The following MYOD1 variants were observed in gnomAD, a reference collection of about 807,000 sequenced individuals.
MYOD1 encodes the protein myoblast determination protein 1.
MYOD1 carries 15 observed loss-of-function variants against 14.9 expected under a neutral mutation model. That is an observed-to-expected ratio of 1.01 (90% confidence interval 0.67 to 1.55). MYOD1 has a LOEUF of 1.55. MYOD1 is among the 40% of genes most tolerant of loss of function. The probability of loss-of-function intolerance (pLI) is 0.00; values close to 1 mark genes in which losing one functional copy is unlikely to be tolerated. For missense variants in MYOD1, 529 were observed against 482.6 expected (o/e 1.10, Z -0.90); for synonymous variants, 235 against 218.6 (o/e 1.07, Z -0.66).
rs1848616201 is a variant in MYOD1 at position 17,719,646 on chromosome 11, G to C, written c.-137G>C. Reference sequence around the variant, plus strand: ...CAGGCCGGACAGGAGAGGGAGGGGTGGGGGACAGTGGGTGGGCATTCAGAC... The same window carrying C: ...CAGGCCGGACAGGAGAGGGAGGGGTCGGGGACAGTGGGTGGGCATTCAGAC... On this transcript the variant is annotated 5_prime_UTR_variant, in exon 1 of 3. Coordinates refer to ENST00000250003, the MANE Select transcript of MYOD1 (RefSeq NM_002478.5). 3 of 1,073,754 alleles carry C rather than the reference G, an allele frequency of 2.8e-6. No individual in the cohort carries two copies. Among genetic ancestry groups the C allele is most frequent in the Non-Finnish European group, 3.9e-6 (3 of 763,394 alleles). The allele number at this position is 1,073,754 out of a possible 1,614,324, so 66.5% of individuals were successfully genotyped here. A position where few individuals can be genotyped will look rare whatever the true frequency, so the allele number is the denominator to read the frequency against.
Position 17,721,446 on chromosome 11 carries a change from C to T in MYOD1, c.901C>T (p.Pro301Ser). The change falls in exon 3 of 3, where the codon CCG (proline) becomes TCG (serine). Residue 301 changes from proline (P) to serine (S), a missense_variant. Transcript: ENST00000250003. The surrounding 1 kb of genome is among the most constrained non-coding windows in gnomAD (Gnocchi z 6.2). ...GESSGDPTQSPDAAPQCPAGA... is the reference protein window; with the variant it reads ...GESSGDPTQSSDAAPQCPAGA... ...GAGCAGCGGCGACCCCACCCAGTCA[C>T]CGGACGCCGCCCCGCAGTGCCCTGC... 1 of 1,596,706 alleles carries T rather than the reference C, an allele frequency of 6.3e-7. No homozygotes were observed. Among genetic ancestry groups the T allele is most frequent in the Non-Finnish European group, 8.5e-7 (1 of 1,176,868 alleles).
intron 1 of MYOD1, 112 bp from the exon 2 acceptor site, chr11:17,720,790 G>A (rs1848630250): frequency 1.7e-6 from 2 of 1,205,584 alleles, no homozygotes; most frequent in Non-Finnish European, 2.3e-6. Flanking sequence ...GACAGGTCTG[G>A]GCCCGGAACT....
Position 17,720,045 on chromosome 11 carries a change from A to G in MYOD1, c.263A>G (p.His88Arg), listed in dbSNP as rs544592180. The change falls in exon 1 of 3, where the codon CAC (histidine) becomes CGC (arginine). Residue 88 changes from histidine to arginine, a missense_variant. By Grantham distance (29) the His-to-Arg change is conservative. Coordinates refer to ENST00000250003, the MANE Select transcript of MYOD1 (RefSeq NM_002478.5). ...DEHVRAPSGH[H>R]QAGRCLLWAC... is the part of the protein sequence containing the mutation. ...CATGTGCGCGCGCCCAGCGGGCACC[A>G]CCAGGCGGGCCGCTGCCTACTGTGG... 9.6e-5 allele frequency: 151 copies of G among 1,576,182 alleles called. 2 individuals carry two copies. The East Asian group carries it at 2.9e-3, about 30-fold the overall frequency.
In MYOD1 at chr11:17,721,626, T is replaced by A; in HGVS notation, c.*118T>A. The A allele has an allele frequency of 7.9e-7, 1 of 1,263,188 alleles. No individual in the cohort carries two copies. The highest frequency in any genetic ancestry group is 1.0e-6 in the Non-Finnish European group (1 of 960,486). 78.2% of individuals were successfully genotyped at this position (1,263,188 alleles called of 1,614,324 possible). On this transcript the variant is annotated 3_prime_UTR_variant, in exon 3 of 3. Transcript: ENST00000250003. The surrounding 1 kb of genome is among the most constrained non-coding windows in gnomAD (Gnocchi z 6.2). Reference sequence around the variant, plus strand: ...GCTTTAAAAGCGACCTCTCTTGAGGTAGGAGAGGCGGGAGAACTGAAGTTT... The same window carrying A: ...GCTTTAAAAGCGACCTCTCTTGAGGAAGGAGAGGCGGGAGAACTGAAGTTT...
chr11:17,721,060 C>G lies in MYOD1; in HGVS notation c.709+80C>G, dbSNP rs1020997129. On this transcript the variant is annotated intron_variant, in intron 2 of 2. Transcript: ENST00000250003. The surrounding 1 kb of genome is among the most constrained non-coding windows in gnomAD (Gnocchi z 6.2). ...GGCCTCTATCTAGGACGCTCCCACC[C>G]CCACTCACACACGCCTATGTCCTGG... 1.4e-5 allele frequency: 20 copies of G among 1,430,314 alleles called. No homozygotes were observed. Among genetic ancestry groups the G allele is most frequent in the Non-Finnish European group, 1.8e-5 (19 of 1,075,792 alleles). 88.6% of individuals were successfully genotyped at this position (1,430,314 alleles called of 1,614,324 possible).
In MYOD1 at chr11:17,720,161, G is replaced by A; in HGVS notation, c.379G>A (p.Glu127Lys). 1 of 1,606,568 alleles carries A rather than the reference G, an allele frequency of 6.2e-7. No homozygotes were observed. The highest frequency in any genetic ancestry group is 1.1e-5 in the South Asian group (1 of 90,136). The change falls in exon 1 of 3, where the codon GAG becomes AAG. Residue 127 changes from glutamate to lysine, a missense_variant. By Grantham distance (56) the Glu-to-Lys change is moderately conservative. Coordinates refer to ENST00000250003, the MANE Select transcript of MYOD1 (RefSeq NM_002478.5). ...RERRRLSKVNEAFETLKRCTS... is the reference protein window; with the variant it reads ...RERRRLSKVNKAFETLKRCTS... ...GCGGCGCCGCCTGAGCAAAGTAAAT[G>A]AGGCCTTTGAGACACTCAAGCGCTG...
rs766719224 is a variant in MYOD1 at position 17,720,209 on chromosome 11, C to A, written c.427C>A (p.Arg143=). The A allele has an allele frequency of 6.2e-6, 10 of 1,609,108 alleles. No individual in the cohort carries two copies. In the African/African-American group the frequency reaches 1.1e-4, roughly 17 times the overall value. ...CTGCACGTCGAGCAATCCAAACCAG[C>A]GGTTGCCCAAGGTGGAGATCCTGCG... ...KRCTSSNPNQ[R]LPKVEILRNA... The change falls in exon 1 of 3, where the codon CGG becomes AGG. Residue 143 remains arginine (R), a synonymous_variant. Coordinates refer to ENST00000250003, the MANE Select transcript of MYOD1 (RefSeq NM_002478.5).
In MYOD1 at chr11:17,719,719, T is replaced by C; in HGVS notation, c.-64T>C. 1 of 1,538,392 alleles carries C rather than the reference T, an allele frequency of 6.5e-7. No homozygotes were observed. Among genetic ancestry groups the C allele is most frequent in the Non-Finnish European group, 8.7e-7 (1 of 1,146,318 alleles). On this transcript the variant is annotated 5_prime_UTR_variant, in exon 1 of 3. Transcript: ENST00000250003. ...GCCGGGGCTCCCGAGCGGCAGAAAG[T>C]TCCGGCCACTCTCTGCCGCTTGGGT...
intron 1 of MYOD1, 124 bp from the exon 2 acceptor site, chr11:17,720,778 A>G: frequency 6.6e-6 from 7 of 1,061,140 alleles, no homozygotes; most frequent in Non-Finnish European, 9.6e-6. Context: ...CCCCCCAACC[A>G]GGACAGGTCT....
Position 17,721,021 on chromosome 11 carries a change from C to A in MYOD1, c.709+41C>A. 3 of 1,535,070 alleles carry A rather than the reference C, an allele frequency of 2.0e-6. No homozygotes were observed. Among genetic ancestry groups the A allele is most frequent in the Non-Finnish European group, 2.6e-6 (3 of 1,137,218 alleles). Reference sequence around the variant, plus strand: ...CTCTCCCTGCTCGCTCCTCCTCCTTCATGGAGCTGTCCTGGCCTCTATCTA... The same window carrying A: ...CTCTCCCTGCTCGCTCCTCCTCCTTAATGGAGCTGTCCTGGCCTCTATCTA... On this transcript the variant is annotated intron_variant, in intron 2 of 2. Transcript: ENST00000250003. This position sits in a 1 kb window ranked among gnomAD's most constrained non-coding sequence, Gnocchi z 6.2.
In MYOD1 at chr11:17,719,572, G is replaced by C. The variant is rs1848614770; in HGVS notation, c.-211G>C. 1 of 610,558 alleles carries C rather than the reference G, an allele frequency of 1.6e-6. No individual in the cohort carries two copies. Among genetic ancestry groups the C allele is most frequent in the Non-Finnish European group, 2.8e-6 (1 of 360,676 alleles). 37.8% of individuals were successfully genotyped at this position (610,558 alleles called of 1,614,324 possible). Reference sequence around the variant, plus strand: ...GCCCAGGGCGCCTGGCGAGAAGCTAGGGGTGAGGAAGCCCTGGGGCGCTGC... The same window carrying C: ...GCCCAGGGCGCCTGGCGAGAAGCTACGGGTGAGGAAGCCCTGGGGCGCTGC... On this transcript the variant is annotated 5_prime_UTR_variant, in exon 1 of 3. Transcript: ENST00000250003.
At position 17,719,669 on chromosome 11, in the gene MYOD1, G is replaced by C. The variant is rs1848616366; in HGVS notation, c.-114G>C. The stretch of plus-strand genomic sequence containing the variant: ...GTGGGGGACAGTGGGTGGGCATTCA[G>C]ACTGCCAGCACTTTGCTATCTACAG... On this transcript the variant is annotated 5_prime_UTR_variant, in exon 1 of 3. Coordinates refer to ENST00000250003, the MANE Select transcript of MYOD1 (RefSeq NM_002478.5). The C allele has an allele frequency of 7.4e-7, 1 of 1,352,750 alleles. No homozygotes were observed. Among genetic ancestry groups the C allele is most frequent in the African/African-American group, 1.5e-5 (1 of 68,650 alleles). The allele number at this position is 1,352,750 out of a possible 1,614,324, so 83.8% of individuals were successfully genotyped here.
At chr11:17,720,648 A>G (rs1250050155) in intron 1 of MYOD1, among the ~76,000 whole-genome samples, 1 of 152,142 alleles carries the variant, frequency 6.6e-6, no homozygotes, top group Non-Finnish European at 1.5e-5. Context: ...CGCGAACGTG[A>G]AGATCTTTTT....
Position 17,719,793 on chromosome 11 carries a change from T to A in MYOD1, c.11T>A (p.Leu4Gln). The A allele has an allele frequency of 6.2e-7, 1 of 1,612,818 alleles. No individual in the cohort carries two copies. The highest frequency in any genetic ancestry group is 8.5e-7 in the Non-Finnish European group (1 of 1,179,688). MELLSPPLRDVDLT... is the reference protein window; with the variant it reads MELQSPPLRDVDLT... Reference sequence around the variant, plus strand: ...CGCCACCGCCAGGATATGGAGCTACTGTCGCCACCGCTCCGCGACGTAGAC... The same window carrying A: ...CGCCACCGCCAGGATATGGAGCTACAGTCGCCACCGCTCCGCGACGTAGAC... Residue 4 changes from leucine (L) to glutamine (Q), a missense_variant, in exon 1 of 3, where the codon CTG becomes CAG. Transcript: ENST00000250003.
At position 17,721,410 on chromosome 11, in the gene MYOD1, A is replaced by C. The variant is rs753201933; in HGVS notation, c.865A>C (p.Ser289Arg). ...GCGCAGGCAAGAGGCTGCCGCCCCC[A>C]GCGAGGGAGAGAGCAGCGGCGACCC... ...PPRRQEAAAPSEGESSGDPTQ... is the reference protein window; with the variant it reads ...PPRRQEAAAPREGESSGDPTQ... Residue 289 changes from serine (S) to arginine (R), a missense_variant, in exon 3 of 3, where the codon AGC (serine) becomes CGC (arginine). Physicochemically the swap from Ser to Arg is moderately radical, Grantham distance 110. Transcript: ENST00000250003. This position sits in a 1 kb window ranked among gnomAD's most constrained non-coding sequence, Gnocchi z 6.2. 2.5e-6 allele frequency: 4 copies of C among 1,597,970 alleles called. No homozygotes were observed. Among genetic ancestry groups the C allele is most frequent in the South Asian group, 1.1e-5 (1 of 90,684 alleles).
chr11:17,720,165 C>T lies in MYOD1; in HGVS notation c.383C>T (p.Ala128Val). Residue 128 changes from alanine to valine, a missense_variant, in exon 1 of 3, where the codon GCC (alanine) becomes GTC (valine). Physicochemically the swap from Ala to Val is moderately conservative, Grantham distance 64. Transcript: ENST00000250003. Reference protein sequence around the residue: ...ERRRLSKVNEAFETLKRCTSS... With the variant: ...ERRRLSKVNEVFETLKRCTSS... ...CGCCGCCTGAGCAAAGTAAATGAGG[C>T]CTTTGAGACACTCAAGCGCTGCACG... The T allele has an allele frequency of 1.2e-6, 2 of 1,607,696 alleles. No individual in the cohort carries two copies. Among genetic ancestry groups the T allele is most frequent in the Admixed American group, 1.7e-5 (1 of 59,076 alleles).
rs761779280 is a variant in MYOD1, at chr11:17,720,214, G to A, written c.432G>A (p.Leu144=). The A allele has an allele frequency of 1.9e-5, 31 of 1,609,154 alleles. No homozygotes were observed. Among genetic ancestry groups the A allele is most frequent in the South Asian group, 6.6e-5 (6 of 90,690 alleles). Residue 144 remains leucine, a synonymous_variant, in exon 1 of 3, where the codon TTG becomes TTA. Coordinates refer to ENST00000250003, the MANE Select transcript of MYOD1 (RefSeq NM_002478.5). ...RCTSSNPNQR[L]PKVEILRNAI... is the part of the protein sequence containing the mutation. ...CGTCGAGCAATCCAAACCAGCGGTT[G>A]CCCAAGGTGGAGATCCTGCGCAACG...
chr11:17,721,634 G>T lies in MYOD1; in HGVS notation c.*126G>T. 2 of 1,211,550 alleles carry T rather than the reference G, an allele frequency of 1.7e-6. No homozygotes were observed. The highest frequency in any genetic ancestry group is 3.0e-5 in the East Asian group (1 of 33,798). 75.0% of individuals were successfully genotyped at this position (1,211,550 alleles called of 1,614,324 possible). ...AGCGACCTCTCTTGAGGTAGGAGAG[G>T]CGGGAGAACTGAAGTTTCCGCCCCC... On this transcript the variant is annotated 3_prime_UTR_variant, in exon 3 of 3. Coordinates refer to ENST00000250003, the MANE Select transcript of MYOD1 (RefSeq NM_002478.5). The surrounding 1 kb of genome is among the most constrained non-coding windows in gnomAD (Gnocchi z 6.2).
Position 17,721,878 on chromosome 11 carries a change from A to C in MYOD1, c.*370A>C. 1 of 290,684 alleles carries C rather than the reference A, an allele frequency of 3.4e-6. No individual in the cohort carries two copies. The highest frequency in any genetic ancestry group is 6.3e-6 in the Non-Finnish European group (1 of 157,736). 18.0% of individuals were successfully genotyped at this position (290,684 alleles called of 1,614,324 possible). The stretch of plus-strand genomic sequence containing the variant: ...TTTGGGGGGGCGTGAGACCCAGTGC[A>C]CTCCGGTCCCAAATGTAGCAGGTGT... On this transcript the variant is annotated 3_prime_UTR_variant, in exon 3 of 3. Transcript: ENST00000250003. This position sits in a 1 kb window ranked among gnomAD's most constrained non-coding sequence, Gnocchi z 6.2.
Sources: gnomAD v4.1 joint callset for allele counts (sites outside exome capture counted in the v4.1 genomes callset) on GRCh38, gnomAD v4.1.1 for gene constraint, Gnocchi (gnomAD v3.1) non-coding constraint, MANE v1.5 for transcripts, NCBI Gene and HGNC (gene_info 2026-07-23, HGNC 2026-07-21) for gene names.